The following SUMF1 variants were observed in gnomAD, a reference collection of about 807,000 sequenced individuals.
SUMF1 encodes formylglycine-generating enzyme.
A neutral mutation model predicts 47.6 loss-of-function variants in SUMF1; 48 were observed. The ratio of observed to expected loss-of-function variants is 1.01; its 90% CI spans 0.80 to 1.28. The LOEUF is 1.28. Ranked by LOEUF, SUMF1 falls within the 50% of genes most tolerant of loss-of-function variation. The pLI is 0.00. For missense variants in SUMF1, 571 were observed against 485.4 expected (o/e 1.18, Z -1.66); for synonymous variants, 230 against 192.1 (o/e 1.20, Z -1.63).
intron 8 of SUMF1, among the ~76,000 whole-genome samples, chr3:4,180,146 A>G (rs1695060656): frequency 6.6e-6 from 1 of 152,208 alleles, no homozygotes; most frequent in South Asian, 2.1e-4. Context: ...TAATTCCTCA[A>G]GGATCTAGAA....
In SUMF1 at chr3:4,112,595, A is replaced by C. The variant is rs376448324; in HGVS notation, c.1015-43850T>G. On this transcript the variant is annotated intron_variant and NMD_transcript_variant, in intron 8 of 12. Coordinates refer to the SUMF1 transcript ENST00000448413. The stretch of plus-strand genomic sequence containing the variant: ...ATAAAGATGAATGAGACCCATATCA[A>C]GTTAAAGTACTTCATGAAGCCACTT... Among the ~76,000 whole-genome samples, 15 of 152,278 alleles carry C rather than the reference A, an allele frequency of 9.9e-5. No individual in the cohort carries two copies. In the East Asian group the frequency reaches 2.5e-3, roughly 25 times the overall value.
chr3:4,112,568 T>G (rs757019329), intron 8 of SUMF1, among the ~76,000 whole-genome samples: 1 of 152,126 alleles, frequency 6.6e-6, no homozygotes, highest in South Asian at 2.1e-4. Flanking sequence ...CTTGTGACCA[T>G]CATAAAGATG....
chr3:4,227,680 G>T (rs533443926), intron 8 of SUMF1, among the ~76,000 whole-genome samples: 3 of 152,062 alleles, frequency 2.0e-5, no homozygotes, highest in African/African-American at 7.2e-5. Context: ...GCTATGTGGT[G>T]GAAGTCAGTC....
At chr3:4,176,787 G>A (rs183405144) in intron 8 of SUMF1, among the ~76,000 whole-genome samples, 1 of 152,088 alleles carries the variant, frequency 6.6e-6, no homozygotes, top group African/African-American at 2.4e-5. Flanking sequence ...CTGTATTCAG[G>A]AGACCCATCT....
At position 4,219,987 on chromosome 3, in the gene SUMF1, C is replaced by A. The variant is rs113511240; in HGVS notation, c.1015-151242G>T. ...ACATGAGCTGGAGTAGAAAGACTGGCGTCTAGGAGAACTGTCTGAGATTAC... is the reference window on the plus strand; with the variant it reads ...ACATGAGCTGGAGTAGAAAGACTGGAGTCTAGGAGAACTGTCTGAGATTAC... On this transcript the variant is annotated intron_variant and NMD_transcript_variant, in intron 8 of 12. Coordinates refer to the SUMF1 transcript ENST00000448413. 7.1e-4 allele frequency among the ~76,000 whole-genome samples: 108 copies of A among 152,182 alleles called. 3 individuals are homozygous for A. The highest frequency in any genetic ancestry group is 2.4e-3 in the African/African-American group (101 of 41,526).
intron 7 of SUMF1, among the ~76,000 whole-genome samples, chr3:4,390,680 C>T (rs950892556): frequency 3.9e-5 from 6 of 152,042 alleles, no homozygotes; most frequent in Admixed American, 6.6e-5. Context: ...CTTCCTGGGC[C>T]CAGGGGATCT....
At chr3:4,350,939 A>G (rs1699487225) in intron 8 of SUMF1, among the ~76,000 whole-genome samples, 1 of 147,938 alleles carries the variant, frequency 6.8e-6, no homozygotes. Flanking sequence ...TGTACAACAA[A>G]AAAAGAAAAA....
intron 9 of SUMF1, among the ~76,000 whole-genome samples, chr3:4,067,719 A>G (rs1304791197): frequency 6.6e-6 from 1 of 152,176 alleles, no homozygotes; most frequent in Non-Finnish European, 1.5e-5. Flanking sequence ...ATCCATTCAT[A>G]TACTTTTCTC....
intron 8 of SUMF1, among the ~76,000 whole-genome samples, chr3:4,094,877 T>C (rs888952066): frequency 2.0e-5 from 3 of 152,160 alleles, no homozygotes; most frequent in Admixed American, 6.5e-5. Flanking sequence ...TGATGTAGGC[T>C]GACTCCAAGC....
chr3:4,313,046 T>G, intron 8 of SUMF1: 1 of 1,613,932 alleles, frequency 6.2e-7, no homozygotes, highest in Non-Finnish European at 8.5e-7. Flanking sequence ...AACTCATGCC[T>G]TAGAGATATA....
At chr3:4,140,047 T>G (rs1694038338) in intron 8 of SUMF1, among the ~76,000 whole-genome samples, 1 of 152,018 alleles carries the variant, frequency 6.6e-6, no homozygotes, top group Non-Finnish European at 1.5e-5. Context: ...CTCTCAACTC[T>G]TCCTACACCA....
At chr3:4,384,012 G>A (rs1700591673) in intron 7 of SUMF1, among the ~76,000 whole-genome samples, 1 of 152,052 alleles carries the variant, frequency 6.6e-6, no homozygotes, top group African/African-American at 2.4e-5. Context: ...GACCATTATT[G>A]CTTTAAACAA....
At position 4,228,018 on chromosome 3, in the gene SUMF1, A is replaced by G. The variant is rs542427622; in HGVS notation, c.1014+148312T>C. Among the ~76,000 whole-genome samples, 15 of 152,188 alleles carry G rather than the reference A, an allele frequency of 9.9e-5. 1 individual carries two copies. The highest frequency in any genetic ancestry group is 3.1e-4 in the African/African-American group (13 of 41,542). ...GTTGGAGGTTACAGAAAGAGAACAC[A>G]ATGTATGCAAAGGCCCTGCAATGGG... On this transcript the variant is annotated intron_variant and NMD_transcript_variant, in intron 8 of 12. Coordinates refer to the SUMF1 transcript ENST00000448413.
chr3:4,106,452 G>A lies in SUMF1; in HGVS notation c.1015-37707C>T, dbSNP rs140110100. 1.3e-4 allele frequency among the ~76,000 whole-genome samples: 20 copies of A among 152,156 alleles called. No homozygotes were observed. In the East Asian group the frequency reaches 3.9e-3, roughly 29 times the overall value. The stretch of plus-strand genomic sequence containing the variant: ...CAAGAGATAACTGACATTCACTAAT[G>A]CCTCATTGTAGGTAATAGTTTCCAT... On this transcript the variant is annotated intron_variant and NMD_transcript_variant, in intron 8 of 12. Transcript: ENST00000448413.
At chr3:4,345,647 T>C (rs951380445) in intron 8 of SUMF1, among the ~76,000 whole-genome samples, 2 of 152,064 alleles carry the variant, frequency 1.3e-5, no homozygotes, top group African/African-American at 2.4e-5. Flanking sequence ...AATAACCACA[T>C]AGTATCATGA....
intron 8 of SUMF1, among the ~76,000 whole-genome samples, chr3:4,149,926 A>G (rs1286756990): frequency 6.6e-6 from 1 of 152,162 alleles, no homozygotes; most frequent in Non-Finnish European, 1.5e-5. Context: ...GTACATATTT[A>G]TAACAGTTGA....
chr3:4,186,985 C>A (rs1290629320), intron 8 of SUMF1, among the ~76,000 whole-genome samples: 1 of 152,144 alleles, frequency 6.6e-6, no homozygotes. Context: ...ACTAGCATAA[C>A]ATATTGCTAG....
chr3:4,160,632 A>G lies in SUMF1; in HGVS notation c.1015-91887T>C, dbSNP rs553555099. 3.0e-4 allele frequency among the ~76,000 whole-genome samples: 45 copies of G among 152,098 alleles called. 1 individual carries two copies. Among genetic ancestry groups the G allele is most frequent in the Non-Finnish European group, 5.7e-4 (39 of 67,980 alleles). ...CCCTGATGCATTCTTCAGTATGTCA[A>G]TTGCATTTTCAACTCCAAAATTTCT... On this transcript the variant is annotated intron_variant and NMD_transcript_variant, in intron 8 of 12. Transcript: ENST00000448413.
At chr3:4,326,519 A>C (rs1321340482) in intron 8 of SUMF1, among the ~76,000 whole-genome samples, 1 of 92,812 alleles carries the variant, frequency 1.1e-5, no homozygotes, top group South Asian at 2.9e-4. Flanking sequence ...AGTTTTTCCA[A>C]GGGTTTTTTT....
Sources: allele counts gnomAD v4.1 joint callset (sites outside exome capture counted in the v4.1 genomes callset), GRCh38; gene constraint gnomAD v4.1.1; transcripts MANE v1.5; gene names NCBI Gene and HGNC (gene_info 2026-07-23, HGNC 2026-07-21).